PCDH15: variants seen among roughly 807,000 people sequenced by gnomAD.
The protein encoded by PCDH15 is protocadherin related 15, also known as protocadherin-15.
In PCDH15, 129 loss-of-function variants were observed where a neutral mutation model predicts 178.5. That is an observed-to-expected ratio of 0.72 (90% confidence interval 0.63 to 0.84). The LOEUF is 0.84. PCDH15 is among the 40% of genes least tolerant of loss of function. The pLI, the probability that PCDH15 is intolerant of heterozygous loss-of-function variation, is 0.00. For synonymous variants in PCDH15, 800 were observed against 732.0 expected (o/e 1.09, Z -1.50); for missense variants, 2,230 against 2,099.9 (o/e 1.06, Z -1.21).
At chr10:54,558,002 C>T (rs114448044) in intron 2 of PCDH15, among the ~76,000 whole-genome samples, 6,510 of 152,010 alleles carry the variant, frequency 0.043, 472 homozygotes, top group African/African-American at 0.15. Context: ...TCTGATATGA[C>T]AATAAATGAT....
chr10:55,020,772 A>G (rs867992493), intron 2 of PCDH15, among the ~76,000 whole-genome samples: 2 of 152,138 alleles, frequency 1.3e-5, no homozygotes, highest in African/African-American at 4.8e-5. Context: ...CCAAGATCTT[A>G]ACTGTAAAGG....
At chr10:54,161,957 T>C (rs559315111) in intron 13 of PCDH15, among the ~76,000 whole-genome samples, 1 of 152,132 alleles carries the variant, frequency 6.6e-6, no homozygotes, top group Non-Finnish European at 1.5e-5. Flanking sequence ...GATTGGCATT[T>C]TGTGAAGCAA....
At chr10:54,716,001 G>A (rs2095475840) in intron 1 of PCDH15, among the ~76,000 whole-genome samples, 1 of 152,008 alleles carries the variant, frequency 6.6e-6, no homozygotes, top group African/African-American at 2.4e-5. Context: ...TATGATTTAG[G>A]CCACCTCACT....
At chr10:55,404,681 T>C (rs1047187449) in intron 2 of PCDH15, among the ~76,000 whole-genome samples, 29 of 151,994 alleles carry the variant, frequency 1.9e-4, no homozygotes, top group Non-Finnish European at 1.5e-5. Flanking sequence ...ATTATGTCTT[T>C]AGTGGGAATG....
intron 2 of PCDH15, among the ~76,000 whole-genome samples, chr10:55,102,129 ACT>A (rs1268317576): frequency 6.6e-6 from 1 of 151,206 alleles, no homozygotes; most frequent in African/African-American, 2.4e-5. Context: ...GCATACTTAA[ACT>A]CATATATTTT....
chr10:54,077,390 A>T (rs758481974), intron 17 of PCDH15, among the ~76,000 whole-genome samples: 10 of 152,208 alleles, frequency 6.6e-5, no homozygotes, highest in Non-Finnish European at 1.2e-4. Context: ...CAAAAGTATT[A>T]TTAGTAGATT....
chr10:54,735,852 T>C (rs1944039236), intron 1 of PCDH15, among the ~76,000 whole-genome samples: 1 of 114,832 alleles, frequency 8.7e-6, no homozygotes, highest in Admixed American at 9.8e-5. Context: ...AATATCACAC[T>C]CTGGGGACTG....
intron 2 of PCDH15, among the ~76,000 whole-genome samples, chr10:55,564,243 T>TG (rs1343842481): frequency 2.0e-5 from 3 of 151,770 alleles, no homozygotes; most frequent in African/African-American, 7.2e-5. Flanking sequence ...CATTAATAAC[T>TG]AAAAAAATGT....
chr10:55,609,672 T>C (rs1302238479), intron 2 of PCDH15, among the ~76,000 whole-genome samples: 1 of 152,058 alleles, frequency 6.6e-6, no homozygotes, highest in African/African-American at 2.4e-5. Context: ...ATCAAAAATC[T>C]GAAAAAAATC....
chr10:54,357,243 A>G (rs1484502341), intron 5 of PCDH15, among the ~76,000 whole-genome samples: 6 of 152,198 alleles, frequency 3.9e-5, no homozygotes, highest in Non-Finnish European at 8.8e-5. Context: ...AGATGATGAC[A>G]TGACTGTATA....
chr10:54,600,386 C>A, intron 2 of PCDH15: 1 of 551,648 alleles, frequency 1.8e-6, no homozygotes, highest in South Asian at 1.5e-5. Flanking sequence ...GAGACCAAGG[C>A]AAAAGGCAGT....
intron 2 of PCDH15, among the ~76,000 whole-genome samples, chr10:54,990,235 T>C (rs1333890163): frequency 6.6e-6 from 1 of 152,236 alleles, no homozygotes; most frequent in Admixed American, 6.5e-5. Flanking sequence ...AACTCTGCAG[T>C]AAATATATCT....
intron 13 of PCDH15, among the ~76,000 whole-genome samples, chr10:54,174,252 G>A (rs2133673558): frequency 6.6e-6 from 1 of 152,234 alleles, no homozygotes; most frequent in Admixed American, 6.5e-5. Flanking sequence ...AAAAATTAAG[G>A]CCGGGCGTGG....
intron 2 of PCDH15, among the ~76,000 whole-genome samples, chr10:55,385,333 AGATT>A (rs1837629777): frequency 6.6e-6 from 1 of 152,078 alleles, no homozygotes; most frequent in Admixed American, 6.6e-5. Context: ...ATGGAAAGAT[AGATT>A]ATGATTCCTC....
intron 2 of PCDH15, among the ~76,000 whole-genome samples, chr10:54,954,315 C>A (rs1838422886): frequency 6.6e-6 from 1 of 151,176 alleles, no homozygotes; most frequent in Non-Finnish European, 1.5e-5. Flanking sequence ...TCCTTCTGGG[C>A]TTTTTGTAAT....
chr10:55,146,710 A>C (rs1838522891), intron 2 of PCDH15, among the ~76,000 whole-genome samples: 2 of 151,996 alleles, frequency 1.3e-5, no homozygotes, highest in Non-Finnish European at 2.9e-5. Flanking sequence ...AAGTGAAAGT[A>C]TCATGGCCAT....
At chr10:54,753,064 ATAAG>A (rs1946561579) in intron 1 of PCDH15, among the ~76,000 whole-genome samples, 2 of 152,242 alleles carry the variant, frequency 1.3e-5, no homozygotes, top group Non-Finnish European at 1.5e-5. Flanking sequence ...AAAGATACAA[ATAAG>A]TAAGGAGTTA....
At chr10:55,377,286 A>G (rs909697260) in intron 2 of PCDH15, among the ~76,000 whole-genome samples, 1 of 151,952 alleles carries the variant, frequency 6.6e-6, no homozygotes, top group Non-Finnish European at 1.5e-5. Context: ...TTGACTTGCT[A>G]TATGTCATAA....
intron 14 of PCDH15, 101 bp from the exon 15 acceptor site, chr10:54,133,108 T>C (rs770703344): frequency 3.4e-6 from 5 of 1,483,260 alleles, no homozygotes; most frequent in East Asian, 2.4e-5. Context: ...GGAGAAAAAA[T>C]TTCCAAATTT....
Sources: allele counts gnomAD v4.1 joint callset (sites outside exome capture counted in the v4.1 genomes callset), GRCh38; gene constraint gnomAD v4.1.1; transcripts MANE v1.5; gene names NCBI Gene and HGNC (gene_info 2026-07-23, HGNC 2026-07-21).